SOCS2: variants seen among roughly 807,000 people sequenced by gnomAD.
SOCS2 encodes the protein suppressor of cytokine signaling 2.
Under a neutral mutation model 18.6 loss-of-function variants are expected in SOCS2, and 10 were observed. That is an observed-to-expected ratio of 0.54 (90% CI 0.33 to 0.91). The LOEUF (loss-of-function observed/expected upper bound fraction) is 0.91, where lower values mean the gene tolerates loss of function less well. Among genes scored for constraint, SOCS2 ranks in the 40% least tolerant of loss-of-function variants. SOCS2 has a pLI of 0.02. For synonymous variants in SOCS2, 104 were observed against 104.0 expected (o/e 1.00, Z 0.00); for missense variants, 231 against 247.2 (o/e 0.93, Z 0.44).
downstream of SOCS2, among the ~76,000 whole-genome samples, chr12:93,580,618 C>CAAAAA (rs35305411): frequency 2.8e-3 from 198 of 71,990 alleles, no homozygotes; most frequent in East Asian, 3.9e-3. Context: ...GAGACTGTCT[C>CAAAAA]AAAAAAAAAA....
chr12:93,588,057 G>A (rs1440392725), downstream of SOCS2, among the ~76,000 whole-genome samples: 1 of 152,190 alleles, frequency 6.6e-6, no homozygotes, highest in Non-Finnish European at 1.5e-5. Context: ...AGGGACCCAT[G>A]GATAAGATGT....
chr12:93,614,267 C>T, the SOCS2 span, among the ~76,000 whole-genome samples: 115 of 152,286 alleles, frequency 7.6e-4, no homozygotes, highest in East Asian at 0.021. Flanking sequence ...TCCAAACACA[C>T]GATGCTCTGA....
At chr12:93,606,984 C>T in the SOCS2 span, among the ~76,000 whole-genome samples, 5 of 152,278 alleles carry the variant, frequency 3.3e-5, no homozygotes, top group East Asian at 9.7e-4. Flanking sequence ...TTCTGTGACA[C>T]TTATTTAGCA....
At chr12:93,617,294 C>T in the SOCS2 span, among the ~76,000 whole-genome samples, 1 of 152,132 alleles carries the variant, frequency 6.6e-6, no homozygotes, top group East Asian at 1.9e-4. Flanking sequence ...CCCCTCTTCT[C>T]AGGTACTGAT....
Position 93,574,707 on chromosome 12 carries a change from G to A in SOCS2, c.140-15G>A. Reference sequence around the variant, plus strand: ...TTTACCCTCTTTTCTTTTTCTTTTTGAACAAAAACCCCAGGATGGTACTGG... The same window carrying A: ...TTTACCCTCTTTTCTTTTTCTTTTTAAACAAAAACCCCAGGATGGTACTGG... On this transcript the variant is annotated splice_polypyrimidine_tract_variant and intron_variant, in intron 1 of 1. Coordinates refer to ENST00000551556, the MANE Select transcript of SOCS2 (RefSeq NM_001270471.2). The A allele has an allele frequency of 4.6e-6, 7 of 1,534,848 alleles. No homozygotes were observed. The highest frequency in any genetic ancestry group is 6.1e-6 in the Non-Finnish European group (7 of 1,142,588).
chr12:93,600,831 CG>C, the SOCS2 span, among the ~76,000 whole-genome samples: 2 of 150,590 alleles, frequency 1.3e-5, no homozygotes, highest in Admixed American at 1.3e-4. Context: ...ATCTGTCACC[CG>C]GGCTGGAGTG....
In SOCS2 at chr12:93,574,898, T is replaced by A; in HGVS notation, c.316T>A (p.Leu106Met). 6.2e-7 allele frequency: 1 copy of A among 1,614,202 alleles called. No homozygotes were observed. Among genetic ancestry groups the A allele is most frequent in the East Asian group, 2.2e-5 (1 of 44,886 alleles). ...RIEYQDGKFR[L>M]DSIICVKSKL... is the part of the protein sequence containing the mutation. ...CGAATACCAAGACGGAAAATTCAGA[T>A]TGGACTCTATCATATGTGTCAAATC... The change falls in exon 2 of 2, where the codon TTG becomes ATG. Residue 106 changes from leucine to methionine, a missense_variant. Physicochemically the swap from Leu to Met is conservative, Grantham distance 15. Coordinates refer to ENST00000551556, the MANE Select transcript of SOCS2 (RefSeq NM_001270471.2).
the SOCS2 span, among the ~76,000 whole-genome samples, chr12:93,597,703 A>C: frequency 3.9e-4 from 59 of 152,234 alleles, no homozygotes; most frequent in Non-Finnish European, 7.3e-5. Context: ...TACTTATGTA[A>C]TCACCACTCA....
At chr12:93,599,561 T>C in the SOCS2 span, among the ~76,000 whole-genome samples, 3 of 152,244 alleles carry the variant, frequency 2.0e-5, no homozygotes, top group Admixed American at 2.0e-4. Flanking sequence ...AAAACCTTTG[T>C]TGGCTTTTAT....
chr12:93,613,205 GC>G, the SOCS2 span, among the ~76,000 whole-genome samples: 7 of 152,196 alleles, frequency 4.6e-5, no homozygotes, highest in African/African-American at 1.7e-4. Context: ...AGAATAAAGA[GC>G]CTTTTAAAAC....
chr12:93,572,870 C>T lies in SOCS2; in HGVS notation c.-28C>T. On this transcript the variant is annotated 5_prime_UTR_variant, in exon 1 of 2. Coordinates refer to ENST00000551556, the MANE Select transcript of SOCS2 (RefSeq NM_001270471.2). This position sits in a 1 kb window ranked among gnomAD's most constrained non-coding sequence, Gnocchi z 5.0. ...CTCTGACCCCAGCTCGGGCGGCCAC[C>T]TGTCTTTGCCGCGGTGACCCTTCTC... is the stretch of plus-strand genomic sequence containing the variant. 1.9e-6 allele frequency: 3 copies of T among 1,562,422 alleles called. No individual in the cohort carries two copies. The highest frequency in any genetic ancestry group is 2.6e-6 in the Non-Finnish European group (3 of 1,152,790).
chr12:93,623,752 G>A, the SOCS2 span, among the ~76,000 whole-genome samples: 97 of 151,732 alleles, frequency 6.4e-4, no homozygotes, highest in African/African-American at 2.3e-3. Flanking sequence ...TGCTGCCCAC[G>A]CAGGAGTGCA....
At chr12:93,572,059 C>T (rs1954276038), upstream of SOCS2, 1 of 197,286 alleles carries the variant, frequency 5.1e-6, no homozygotes, top group African/African-American at 2.4e-5. This position sits in a 1 kb window ranked among gnomAD's most constrained non-coding sequence, Gnocchi z 5.0. Context: ...CCACCGCAGC[C>T]ATCCTGGTCC....
the SOCS2 span, among the ~76,000 whole-genome samples, chr12:93,595,072 A>G: frequency 2.0e-5 from 3 of 152,160 alleles, no homozygotes; most frequent in Non-Finnish European, 2.9e-5. Context: ...TCTTGCCAAA[A>G]TGAAACAATC....
downstream of SOCS2, among the ~76,000 whole-genome samples, chr12:93,585,253 C>T (rs1592838712): frequency 2.0e-5 from 3 of 152,168 alleles, no homozygotes; most frequent in African/African-American, 7.2e-5. Context: ...AAGATTTCTA[C>T]ATCTATACAC....
the SOCS2 span, among the ~76,000 whole-genome samples, chr12:93,596,274 A>C: frequency 2.0e-5 from 3 of 152,094 alleles, no homozygotes; most frequent in Admixed American, 6.5e-5. Context: ...GAAACCACAT[A>C]GTCTGTTTAC....
Position 93,575,615 on chromosome 12 carries a change from CAG to C in SOCS2, c.*439_*440del, listed in dbSNP as rs1227742045. 6.5e-6 allele frequency: 1 copy of C among 154,106 alleles called. No individual in the cohort carries two copies. The highest frequency in any genetic ancestry group is 2.4e-5 in the African/African-American group (1 of 41,452). The allele number at this position is 154,106 out of a possible 1,614,324, so 9.5% of individuals were successfully genotyped here. On this transcript the variant is annotated 3_prime_UTR_variant, in exon 2 of 2. Transcript: ENST00000551556. ...ACTGCAATTTGATATGCCTGCTGAT[CAG>C]AGTCTCTTGGGCATTTTATATTTTG...
downstream of SOCS2, among the ~76,000 whole-genome samples, chr12:93,585,817 T>C (rs1374451010): frequency 1.3e-5 from 2 of 152,128 alleles, no homozygotes; most frequent in Non-Finnish European, 2.9e-5. Flanking sequence ...CTCCCGCCCC[T>C]GCCCCCTCAA....
the SOCS2 span, among the ~76,000 whole-genome samples, chr12:93,610,780 A>G: frequency 7.2e-5 from 11 of 152,138 alleles, no homozygotes; most frequent in Admixed American, 4.6e-4. Context: ...GTAGCAGAGA[A>G]TGGACCCTCA....
Sources: gnomAD v4.1 joint callset for allele counts (sites outside exome capture counted in the v4.1 genomes callset) on GRCh38, gnomAD v4.1.1 for gene constraint, Gnocchi (gnomAD v3.1) non-coding constraint, MANE v1.5 for transcripts, NCBI Gene and HGNC (gene_info 2026-07-23, HGNC 2026-07-21) for gene names.